The following DSCAML1 variants were observed in gnomAD, a reference collection of about 807,000 sequenced individuals.
The protein encoded by DSCAML1 is cell adhesion molecule DSCAML1.
In DSCAML1, 38 loss-of-function variants were observed where a neutral mutation model predicts 200.5. That is an observed-to-expected ratio of 0.19 (90% confidence interval 0.15 to 0.25). DSCAML1 has a LOEUF of 0.25. DSCAML1 is among the 10% of genes least tolerant of loss of function. The pLI is 1.00. For missense variants in DSCAML1, 2,223 were observed against 2,858.8 expected (o/e 0.78, Z 5.07); for synonymous variants, 1,215 against 1,165.0 (o/e 1.04, Z -0.87).
Position 117,439,396 on chromosome 11 carries a change from C to T in DSCAML1, c.4014G>A (p.Gly1338=). The change falls in exon 23 of 33, where the codon GGG becomes GGA. Residue 1338 remains glycine (G), a synonymous_variant. Transcript: ENST00000651296. ...TGCCATTGGTGTGGATGAGCCGGTG[C>T]CCATCCATGGACACTGGAATGGCCG... is the stretch of plus-strand genomic sequence containing the variant. ...EDSAIPVSMD[G]HRLIHTNGTL... 1 of 1,613,618 alleles carries T rather than the reference C, an allele frequency of 6.2e-7. No homozygotes were observed. The highest frequency in any genetic ancestry group is 8.5e-7 in the Non-Finnish European group (1 of 1,179,958).
At chr11:117,510,269 A>G (rs2049592906) in intron 8 of DSCAML1, among the ~76,000 whole-genome samples, 1 of 152,228 alleles carries the variant, frequency 6.6e-6, no homozygotes, top group Admixed American at 6.5e-5. Flanking sequence ...TTGCCCTTGC[A>G]GCACGGAGAT....
At chr11:117,590,952 T>TAAAC (rs1459868538) in intron 3 of DSCAML1, among the ~76,000 whole-genome samples, 3 of 152,234 alleles carry the variant, frequency 2.0e-5, no homozygotes, top group Non-Finnish European at 4.4e-5. Context: ...GGATTCACTT[T>TAAAC]AAACACTTCA....
intron 1 of DSCAML1, among the ~76,000 whole-genome samples, chr11:117,808,463 G>A (rs2055727528): frequency 6.6e-6 from 1 of 152,176 alleles, no homozygotes; most frequent in Non-Finnish European, 1.5e-5. Context: ...CCATCTCTGG[G>A]TCTCAGTGGC....
intron 3 of DSCAML1, among the ~76,000 whole-genome samples, chr11:117,546,011 G>A (rs1244633697): frequency 6.6e-6 from 1 of 152,240 alleles, no homozygotes; most frequent in African/African-American, 2.4e-5. Flanking sequence ...CGGGACCTCG[G>A]CTATGCGAAC....
In DSCAML1 at chr11:117,481,664, G is replaced by C. The variant is rs188483735; in HGVS notation, c.2559+299C>G. ...AAGGGCTGAGGGATCCAGGAGAGAG[G>C]GAGGGGCTGAGGGGTCCCAAAAGGG... On this transcript the variant is annotated intron_variant, in intron 12 of 32. Coordinates refer to ENST00000651296, the MANE Select transcript of DSCAML1 (RefSeq NM_020693.4). Among the ~76,000 whole-genome samples, 92 of 151,410 alleles carry C rather than the reference G, an allele frequency of 6.1e-4. 2 individuals are homozygous for C. In the East Asian group the frequency reaches 0.018, roughly 29 times the overall value.
intron 21 of DSCAML1, among the ~76,000 whole-genome samples, 174 bp downstream of exon 21, chr11:117,443,712 G>C (rs866889694): frequency 1.3e-5 from 2 of 152,232 alleles, no homozygotes; most frequent in Non-Finnish European, 2.9e-5. Context: ...CTGGAGTCAG[G>C]GGGCAGCAGA....
At chr11:117,636,236 C>A (rs2052279759) in intron 3 of DSCAML1, among the ~76,000 whole-genome samples, 3 of 152,144 alleles carry the variant, frequency 2.0e-5, no homozygotes, top group Admixed American at 2.0e-4. Context: ...GAATTACATC[C>A]ATATGTCTCC....
chr11:117,461,112 A>C (rs2048473251), intron 18 of DSCAML1, among the ~76,000 whole-genome samples: 1 of 151,548 alleles, frequency 6.6e-6, no homozygotes, highest in Non-Finnish European at 1.5e-5. Context: ...TGCCCCCAAC[A>C]CTTCCCCAAA....
At position 117,488,819 on chromosome 11, in the gene DSCAML1, C is replaced by G. The variant is rs1368168241; in HGVS notation, c.2360-6657G>C. Among the ~76,000 whole-genome samples the G allele has an allele frequency of 5.3e-5, 8 of 152,214 alleles. 1 individual carries two copies. Among genetic ancestry groups the G allele is most frequent in the Non-Finnish European group, 1.2e-4 (8 of 68,032 alleles). ...CCCTTTTATTGGGTGCTTACCATGT[C>G]CTGGCAGGATTCTAAGTACTTTGCA... On this transcript the variant is annotated intron_variant, in intron 11 of 32. Transcript: ENST00000651296.
chr11:117,653,277 C>G (rs2052668265), intron 3 of DSCAML1, among the ~76,000 whole-genome samples: 1 of 152,122 alleles, frequency 6.6e-6, no homozygotes. Flanking sequence ...CATGATTTTC[C>G]CCAGCCATGA....
intron 3 of DSCAML1, among the ~76,000 whole-genome samples, chr11:117,689,695 G>T (rs2053462694): frequency 6.6e-6 from 1 of 152,170 alleles, no homozygotes; most frequent in Non-Finnish European, 1.5e-5. Flanking sequence ...GAACCCAAGG[G>T]GGTCCCACAC....
At chr11:117,623,221 T>TC (rs2051974803) in intron 3 of DSCAML1, among the ~76,000 whole-genome samples, 2 of 141,992 alleles carry the variant, frequency 1.4e-5, no homozygotes, top group South Asian at 2.2e-4. Flanking sequence ...CTTTTCTTTT[T>TC]TTTTTTTTTT....
In DSCAML1 at chr11:117,428,734, G is replaced by C; in HGVS notation, c.5756C>G (p.Pro1919Arg). 2 of 1,613,052 alleles carry C rather than the reference G, an allele frequency of 1.2e-6. No homozygotes were observed. The highest frequency in any genetic ancestry group is 8.5e-7 in the Non-Finnish European group (1 of 1,179,718). Residue 1919 changes from proline to arginine, a missense_variant, in exon 33 of 33, where the codon CCC becomes CGC. Physicochemically the swap from Pro to Arg is moderately radical, Grantham distance 103. Around this residue, in one of 7 missense-constraint regions of DSCAML1, gnomAD observed 280 missense variants for 213.4 expected, o/e 1.31. Coordinates refer to ENST00000651296, the MANE Select transcript of DSCAML1 (RefSeq NM_020693.4). ...CTCACGGGGTGGGACCACGGGGCAG[G>C]GCTCACGTCCATCTGCCTTTCGAAA... ...AFFRKADGRE[P>R]CPVVPPREAS...
intron 3 of DSCAML1, among the ~76,000 whole-genome samples, chr11:117,687,392 T>C (rs1420998355): frequency 6.6e-6 from 1 of 150,854 alleles, no homozygotes; most frequent in Admixed American, 6.6e-5. Context: ...TCGCAAGTAA[T>C]TAGGACTACA....
intron 14 of DSCAML1, among the ~76,000 whole-genome samples, chr11:117,478,943 A>G (rs1439639463): frequency 1.3e-5 from 2 of 152,230 alleles, no homozygotes; most frequent in Non-Finnish European, 2.9e-5. Context: ...CCGCAACTCA[A>G]CCGGAAGTGT....
At chr11:117,708,418 T>C (rs1348870898) in intron 3 of DSCAML1, among the ~76,000 whole-genome samples, 1 of 152,232 alleles carries the variant, frequency 6.6e-6, no homozygotes, top group Non-Finnish European at 1.5e-5. Flanking sequence ...TTCCTGGTCT[T>C]CCCAAACCAA....
At chr11:117,609,220 G>A (rs2051638843) in intron 3 of DSCAML1, among the ~76,000 whole-genome samples, 1 of 150,160 alleles carries the variant, frequency 6.7e-6, no homozygotes, top group Non-Finnish European at 1.5e-5. Flanking sequence ...AAAAAAAAGT[G>A]CCAAATTGAA....
intron 8 of DSCAML1, among the ~76,000 whole-genome samples, chr11:117,507,717 C>G (rs2049528932): frequency 6.6e-6 from 1 of 152,194 alleles, no homozygotes. Context: ...CTGTCCTTCT[C>G]ATCCCCAAGC....
intron 3 of DSCAML1, among the ~76,000 whole-genome samples, chr11:117,693,508 C>T (rs1310172578): frequency 6.6e-6 from 1 of 152,184 alleles, no homozygotes; most frequent in African/African-American, 2.4e-5. Context: ...CCCCATTTGA[C>T]ATCTCCCTCC....
Sources: allele counts gnomAD v4.1 joint callset (sites outside exome capture counted in the v4.1 genomes callset), GRCh38; gene constraint gnomAD v4.1.1; regional missense constraint gnomAD v4.1.1; transcripts MANE v1.5; gene names NCBI Gene and HGNC (gene_info 2026-07-23, HGNC 2026-07-21).